Variants in GPM6A observed in about 807,000 individuals in gnomAD.
GPM6A encodes the protein neuronal membrane glycoprotein M6-a.
In GPM6A, 7 loss-of-function variants were observed where a neutral mutation model predicts 32.1. The ratio of observed to expected loss-of-function variants is 0.22; its 90% CI spans 0.12 to 0.41. GPM6A has a LOEUF of 0.41. Ranked by LOEUF, GPM6A falls within the 10% of genes least tolerant of loss-of-function variation. The pLI is 1.00. For synonymous variants in GPM6A, 130 were observed against 123.4 expected, an observed-to-expected ratio of 1.05 and a Z score of -0.35; for missense variants, 235 against 347.2, an observed-to-expected ratio of 0.68 and a Z score of 2.57.
At chr4:175,836,718 A>C (rs1735779723) in intron 1 of GPM6A, among the ~76,000 whole-genome samples, 1 of 152,132 alleles carries the variant, frequency 6.6e-6, no homozygotes. Context: ...AGCAAAAAAA[A>C]AATAGAAGGG....
chr4:175,956,677 A>G (rs1739996732), intron 1 of GPM6A, among the ~76,000 whole-genome samples: 1 of 151,534 alleles, frequency 6.6e-6, no homozygotes. Context: ...AAGGTACAAA[A>G]GAAAGTTGAT....
At chr4:175,995,846 T>G (rs2126468775) in intron 1 of GPM6A, among the ~76,000 whole-genome samples, 1 of 152,326 alleles carries the variant, frequency 6.6e-6, no homozygotes, top group East Asian at 1.9e-4. Flanking sequence ...AGAATTTGTT[T>G]TATCATACTG....
intron 1 of GPM6A, among the ~76,000 whole-genome samples, chr4:175,854,469 G>T (rs992125307): frequency 6.6e-6 from 1 of 152,100 alleles, no homozygotes; most frequent in African/African-American, 2.4e-5. Context: ...ACTAGGACTG[G>T]ATTTACCTTT....
At chr4:175,956,003 C>G (rs72704553) in intron 1 of GPM6A, among the ~76,000 whole-genome samples, 2,997 of 152,272 alleles carry the variant, frequency 0.02, 54 homozygotes, top group African/African-American at 0.042. Context: ...TGAACCCTCA[C>G]CAGAGACCCA....
intron 4 of GPM6A, among the ~76,000 whole-genome samples, chr4:175,651,361 C>A (rs936363940): frequency 6.0e-5 from 1 of 16,790 alleles, no homozygotes; most frequent in South Asian, 8.5e-4. Flanking sequence ...ATTTATTTAG[C>A]GTTTTTTTTT....
intron 4 of GPM6A, among the ~76,000 whole-genome samples, chr4:175,646,239 T>C (rs867965370): frequency 6.6e-6 from 1 of 152,208 alleles, no homozygotes; most frequent in Non-Finnish European, 1.5e-5. Flanking sequence ...ATATAACCAA[T>C]ATTTTACCAA....
At chr4:175,657,417 C>T (rs1028631811) in intron 3 of GPM6A, among the ~76,000 whole-genome samples, 5 of 152,156 alleles carry the variant, frequency 3.3e-5, no homozygotes, top group Admixed American at 6.6e-5. Flanking sequence ...CTTTTAAAAT[C>T]ACTGCAGGTG....
intron 1 of GPM6A, among the ~76,000 whole-genome samples, chr4:175,805,594 T>C (rs532785345): frequency 7.0e-4 from 106 of 152,322 alleles, no homozygotes; most frequent in African/African-American, 2.4e-3. Context: ...ATTTCTCATA[T>C]GATAAAAATT....
chr4:175,977,318 T>G (rs759410922), intron 1 of GPM6A, among the ~76,000 whole-genome samples: 1 of 152,204 alleles, frequency 6.6e-6, no homozygotes, highest in Non-Finnish European at 1.5e-5. Flanking sequence ...ACGCCCAAAG[T>G]TTAGCTGTAT....
chr4:175,710,477 C>T (rs769945761), intron 1 of GPM6A, among the ~76,000 whole-genome samples: 4 of 149,160 alleles, frequency 2.7e-5, no homozygotes, highest in African/African-American at 9.8e-5. Flanking sequence ...TATTTATTTT[C>T]GTTTTCAAAT....
At chr4:175,928,806 T>C (rs1465034903) in intron 1 of GPM6A, among the ~76,000 whole-genome samples, 1 of 152,214 alleles carries the variant, frequency 6.6e-6, no homozygotes, top group Non-Finnish European at 1.5e-5. Flanking sequence ...GGTTTTATAG[T>C]ATAGTTTGGC....
intron 1 of GPM6A, among the ~76,000 whole-genome samples, chr4:175,810,390 G>GT (rs1325604557): frequency 2.0e-5 from 3 of 152,018 alleles, no homozygotes; most frequent in African/African-American, 7.2e-5. Context: ...ACCACTAAAC[G>GT]TTTTTTCTGA....
At chr4:175,925,903 G>A (rs1222094179) in intron 1 of GPM6A, among the ~76,000 whole-genome samples, 3 of 144,644 alleles carry the variant, frequency 2.1e-5, no homozygotes, top group African/African-American at 7.8e-5. Context: ...CCAGGCTGAA[G>A]TGCAATGGCG....
chr4:175,793,493 C>T (rs924709948), intron 1 of GPM6A, among the ~76,000 whole-genome samples: 6 of 152,256 alleles, frequency 3.9e-5, no homozygotes, highest in African/African-American at 9.6e-5. Context: ...TCTCCTGCCT[C>T]GGCCTCCTGA....
intron 2 of GPM6A, among the ~76,000 whole-genome samples, chr4:175,693,585 G>A (rs569583004): frequency 6.6e-6 from 1 of 151,908 alleles, no homozygotes; most frequent in African/African-American, 2.4e-5. Flanking sequence ...TTTTTGAAAA[G>A]ATTTTTGGAA....
chr4:175,871,548 A>T (rs185168099), intron 1 of GPM6A, among the ~76,000 whole-genome samples: 1 of 152,318 alleles, frequency 6.6e-6, no homozygotes, highest in East Asian at 1.9e-4. Context: ...AATATTTTTC[A>T]GCCTTCCCTT....
At chr4:175,791,559 T>G (rs1734014288) in intron 1 of GPM6A, among the ~76,000 whole-genome samples, 1 of 152,146 alleles carries the variant, frequency 6.6e-6, no homozygotes, top group South Asian at 2.1e-4. Flanking sequence ...AAAGGTTAAA[T>G]TTGCATATTT....
chr4:175,637,252 AAT>A (rs1560841767), intron 6 of GPM6A, among the ~76,000 whole-genome samples: 4 of 61,552 alleles, frequency 6.5e-5, no homozygotes, highest in Non-Finnish European at 1.2e-4. Context: ...TATTATATAT[AAT>A]ATAAAATATA....
chr4:175,638,951 G>A (rs947890781), intron 6 of GPM6A, among the ~76,000 whole-genome samples: 1 of 152,184 alleles, frequency 6.6e-6, no homozygotes, highest in East Asian at 1.9e-4. Flanking sequence ...AGAATATAAG[G>A]CCTTTGCTTT....
Sources: gnomAD v4.1 joint callset for allele counts (sites outside exome capture counted in the v4.1 genomes callset) on GRCh38, gnomAD v4.1.1 for gene constraint, MANE v1.5 for transcripts, NCBI Gene and HGNC (gene_info 2026-07-23, HGNC 2026-07-21) for gene names.